The following ACCSL variants were observed in gnomAD, a reference collection of about 807,000 sequenced individuals.
ACCSL encodes the protein probable inactive 1-aminocyclopropane-1-carboxylate synthase-like protein 2.
Under a neutral mutation model 61.7 loss-of-function variants are expected in ACCSL, and 55 were observed. The ratio of observed to expected loss-of-function variants is 0.89; its 90% CI spans 0.72 to 1.12. The LOEUF (loss-of-function observed/expected upper bound fraction) is 1.12. Ranked by LOEUF, ACCSL falls within the 50% of genes most tolerant of loss-of-function variation. The pLI is 0.00. For missense variants in ACCSL, 632 were observed against 698.0 expected (o/e 0.91, Z 1.07); for synonymous variants, 258 against 264.3 (o/e 0.98, Z 0.23).
the ACCSL span, among the ~76,000 whole-genome samples, chr11:44,026,257 ATCTATCT>A: frequency 1.3e-5 from 2 of 151,994 alleles, no homozygotes; most frequent in African/African-American, 4.8e-5. Flanking sequence ...ATCTCAATTG[ATCTATCT>A]TCAAGTTTTC....
chr11:43,959,450 G>GTCTC, the ACCSL span, among the ~76,000 whole-genome samples: 1 of 152,220 alleles, frequency 6.6e-6, no homozygotes, highest in Non-Finnish European at 1.5e-5. Flanking sequence ...TTCCTGCTGG[G>GTCTC]TCTCTTGATT....
chr11:44,040,529 T>G, the ACCSL span, among the ~76,000 whole-genome samples: 1 of 152,104 alleles, frequency 6.6e-6, no homozygotes, highest in Non-Finnish European at 1.5e-5. Context: ...ACCTCTAAAG[T>G]CACCTTGTGC....
chr11:43,941,226 T>A, the ACCSL span, among the ~76,000 whole-genome samples: 1 of 152,168 alleles, frequency 6.6e-6, no homozygotes, highest in Non-Finnish European at 1.5e-5. Flanking sequence ...ACCACCTGCA[T>A]CCCCAGCTCA....
chr11:43,934,046 G>A, the ACCSL span, among the ~76,000 whole-genome samples: 1 of 152,028 alleles, frequency 6.6e-6, no homozygotes, highest in Non-Finnish European at 1.5e-5. Context: ...TGTCACTGGG[G>A]GTCTCCCTGG....
At chr11:44,046,273 T>C (rs1331041672), upstream of ACCSL, among the ~76,000 whole-genome samples, 1 of 152,238 alleles carries the variant, frequency 6.6e-6, no homozygotes, top group Non-Finnish European at 1.5e-5. Flanking sequence ...GTTTTTGCAT[T>C]ATGATTAAAG....
At chr11:44,017,474 T>G in the ACCSL span, among the ~76,000 whole-genome samples, 131,365 of 152,228 alleles carry the variant, frequency 0.86, 56,777 homozygotes, top group African/African-American at 0.9. Flanking sequence ...GTCTGCCAGG[T>G]CTGCAGGAAC....
At chr11:43,922,096 T>C in the ACCSL span, 2 of 152,230 alleles carry the variant, frequency 1.3e-5, no homozygotes, top group African/African-American at 4.8e-5. Context: ...GAAGCAAATA[T>C]AACAGCGGTA....
chr11:43,940,577 G>T, the ACCSL span, among the ~76,000 whole-genome samples: 2 of 150,932 alleles, frequency 1.3e-5, no homozygotes, highest in African/African-American at 4.9e-5. Flanking sequence ...AGCCAGGATG[G>T]TCTCGATCTC....
chr11:43,943,200 T>G, the ACCSL span: 1 of 1,522,038 alleles, frequency 6.6e-7, no homozygotes, highest in African/African-American at 1.4e-5. The surrounding 1 kb of genome is among the most constrained non-coding windows in gnomAD (Gnocchi z 4.8). Context: ...AGCCTGTCGC[T>G]GCAGCGGGAG....
chr11:44,030,038 T>TA, the ACCSL span, among the ~76,000 whole-genome samples: 1 of 143,028 alleles, frequency 7.0e-6, no homozygotes, highest in Admixed American at 7.1e-5. Context: ...TATTTTATGT[T>TA]TGCTTGTTTC....
the ACCSL span, among the ~76,000 whole-genome samples, chr11:44,013,708 AGT>A: frequency 6.6e-6 from 1 of 152,128 alleles, no homozygotes; most frequent in Non-Finnish European, 1.5e-5. Flanking sequence ...GTGAGCATAT[AGT>A]GATTCTACAA....
chr11:43,965,189 T>C, the ACCSL span, among the ~76,000 whole-genome samples: 1 of 151,828 alleles, frequency 6.6e-6, no homozygotes, highest in African/African-American at 2.4e-5. Flanking sequence ...ATGTAGAAAA[T>C]CCTAAAGAAA....
At chr11:44,031,098 AG>A in the ACCSL span, among the ~76,000 whole-genome samples, 1 of 152,206 alleles carries the variant, frequency 6.6e-6, no homozygotes, top group African/African-American at 2.4e-5. Flanking sequence ...GACCCAAGGC[AG>A]CCTGCTTCAC....
chr11:43,989,258 A>T, the ACCSL span, among the ~76,000 whole-genome samples: 1 of 152,150 alleles, frequency 6.6e-6, no homozygotes, highest in Non-Finnish European at 1.5e-5. Flanking sequence ...CACCTGTGAG[A>T]TGATGACGAT....
chr11:44,055,001 C>A (rs751771541), intron 8 of ACCSL, among the ~76,000 whole-genome samples: 42 of 152,170 alleles, frequency 2.8e-4, no homozygotes, highest in Non-Finnish European at 5.9e-4. Context: ...AGGGTCCCTT[C>A]TGATGTACCA....
At chr11:43,975,483 G>T in the ACCSL span, among the ~76,000 whole-genome samples, 4 of 152,152 alleles carry the variant, frequency 2.6e-5, no homozygotes, top group African/African-American at 9.7e-5. Context: ...AATGTTTTGA[G>T]GTTGTGTCTG....
chr11:43,982,585 G>T, the ACCSL span, among the ~76,000 whole-genome samples: 1 of 151,966 alleles, frequency 6.6e-6, no homozygotes, highest in Non-Finnish European at 1.5e-5. Context: ...TGTGTGAACC[G>T]CCCGCATGGG....
At chr11:43,936,429 G>A in the ACCSL span, among the ~76,000 whole-genome samples, 8 of 152,144 alleles carry the variant, frequency 5.3e-5, no homozygotes, top group African/African-American at 1.2e-4. Flanking sequence ...ACAACATGCC[G>A]GGTACTGTGC....
chr11:44,022,953 A>C, the ACCSL span, among the ~76,000 whole-genome samples: 1 of 149,948 alleles, frequency 6.7e-6, no homozygotes, highest in Admixed American at 6.6e-5. Context: ...TTTTGGGCCT[A>C]TGCTTTTCTT....
Sources: gnomAD v4.1 joint callset for allele counts (sites outside exome capture counted in the v4.1 genomes callset) on GRCh38, gnomAD v4.1.1 for gene constraint, Gnocchi (gnomAD v3.1) non-coding constraint, MANE v1.5 for transcripts, NCBI Gene and HGNC (gene_info 2026-07-23, HGNC 2026-07-21) for gene names.